HDAC10: variants seen among roughly 807,000 people sequenced by gnomAD.
The protein encoded by HDAC10 is histone deacetylase 10, also known as polyamine deacetylase HDAC10.
A neutral mutation model predicts 82.3 loss-of-function variants in HDAC10; 90 were observed. That is an observed-to-expected ratio of 1.09 (90% confidence interval 0.92 to 1.30). HDAC10 has a LOEUF of 1.30. HDAC10 is among the 50% of genes most tolerant of loss of function. The pLI is 0.00. For missense variants in HDAC10, 934 were observed against 876.3 expected, an observed-to-expected ratio of 1.07 and a Z score of -0.83; for synonymous variants, 456 against 391.7, an observed-to-expected ratio of 1.16 and a Z score of -1.94.
Position 50,245,823 on chromosome 22 carries a change from G to C in HDAC10, c.1838C>G (p.Ser613Cys), listed in dbSNP as rs764014436. 1 of 1,571,310 alleles carries C rather than the reference G, an allele frequency of 6.4e-7. No homozygotes were observed. The highest frequency in any genetic ancestry group is 2.4e-5 in the East Asian group (1 of 42,016). ...CAGGATCCCTGCTAGCTGGGGTGTG[G>C]AGTTCTGGACCAGGGGCGAAGACGG... ...GRVLALLEEN[S>C]TPQLAGILAR... Residue 613 changes from serine (S) to cysteine (C), a missense_variant, in exon 19 of 20, where the codon TCC becomes TGC. Ser to Cys is a moderately radical substitution (Grantham distance 112). Transcript: ENST00000216271.
In HDAC10 at chr22:50,251,223, C is replaced by A; in HGVS notation, c.-191G>T. 3.4e-6 allele frequency: 2 copies of A among 583,834 alleles called. No homozygotes were observed. Among genetic ancestry groups the A allele is most frequent in the East Asian group, 3.1e-5 (1 of 32,534 alleles). 36.2% of individuals were successfully genotyped at this position (583,834 alleles called of 1,614,324 possible). ...TCCGGGATCCCAGGCGCGCAGAAGGCACGGAGCGAGGCTGCAGTCGAAGGG... is the reference window on the plus strand; with the variant it reads ...TCCGGGATCCCAGGCGCGCAGAAGGAACGGAGCGAGGCTGCAGTCGAAGGG... On this transcript the variant is annotated 5_prime_UTR_variant, in exon 1 of 20. Transcript: ENST00000216271.
rs1390131330 is a variant in HDAC10, at chr22:50,245,516, C to G, written c.2001G>C (p.Leu667=). 1.1e-6 allele frequency: 1 copy of G among 897,428 alleles called. No homozygotes were observed. The highest frequency in any genetic ancestry group is 1.6e-5 in the African/African-American group (1 of 61,324). 55.6% of individuals were successfully genotyped at this position (897,428 alleles called of 1,614,324 possible). A position where few individuals can be genotyped will look rare whatever the true frequency, so the allele number is the denominator to read the frequency against. The change falls in exon 20 of 20, where the codon CTG becomes CTC. Residue 667 remains leucine (L), a synonymous_variant. Coordinates refer to ENST00000216271, the MANE Select transcript of HDAC10 (RefSeq NM_032019.6). ...CCCACCTTGGCCGATTTCAAGCCAC[C>G]AGGTGAGGATGGCACTACAGGAGGA... ...QWKMLQCHPH[L]VA
In HDAC10 at chr22:50,246,063, C is replaced by T. The variant is rs2064936240; in HGVS notation, c.1680G>A (p.Leu560=). 6.2e-7 allele frequency: 1 copy of T among 1,610,450 alleles called. No homozygotes were observed. The highest frequency in any genetic ancestry group is 8.5e-7 in the Non-Finnish European group (1 of 1,178,290). The change falls in exon 18 of 20, where the codon TTG becomes TTA. Residue 560 remains leucine, a synonymous_variant. Transcript: ENST00000216271. ...CATAGGCCAGGGGCAGCACCAAGCC[C>T]AAGATGCAGCTCAGGAAACCACCGG... ...VMTGGFLSCI[L]GLVLPLAYGF...
chr22:50,250,716 TTCTAGCTGGGCTGCCC>T, intron 2 of HDAC10, 39 bp downstream of exon 2: 1 of 1,495,814 alleles, frequency 6.7e-7, no homozygotes, highest in Admixed American at 2.1e-5. Context: ...GTTCTTAGGT[TTCTAGCTGGGCTGCCC>T]GCCCCGCCCC....
At position 50,248,100 on chromosome 22, in the gene HDAC10, C is replaced by T. The variant is rs780756630; in HGVS notation, c.1127G>A (p.Gly376Glu). Residue 376 changes from glycine to glutamate, a missense_variant, in exon 13 of 20, where the codon GGG becomes GAG. Coordinates refer to ENST00000216271, the MANE Select transcript of HDAC10 (RefSeq NM_032019.6). The surrounding 1 kb of genome is among the most constrained non-coding windows in gnomAD (Gnocchi z 5.4). The stretch of plus-strand genomic sequence containing the variant: ...CCCAGGCAGCAGAGGTGGAGGCCTC[C>T]CCTCTGGGGAGTGGCTGCTGGGGCT... Reference protein sequence around the residue: ...PMSPSSHSPEGRPPPLLPGGP... With the variant: ...PMSPSSHSPEERPPPLLPGGP... The T allele has an allele frequency of 5.0e-5, 79 of 1,592,506 alleles. No homozygotes were observed. Among genetic ancestry groups the T allele is most frequent in the Non-Finnish European group, 6.5e-5 (76 of 1,167,654 alleles).
At position 50,250,795 on chromosome 22, in the gene HDAC10, TC is replaced by T; in HGVS notation, c.169del (p.Glu57LysfsTer22). On this transcript the variant is annotated frameshift_variant, in exon 2 of 20. Coordinates refer to ENST00000216271, the MANE Select transcript of HDAC10 (RefSeq NM_032019.6). LOFTEE classifies it high-confidence loss of function. ...CCTGTGCACCAGGCCCAGCTCCTCTTCCGAGGCCTCGCGGGCTGACAACCGC... is the reference window on the plus strand; with the variant it reads ...CCTGTGCACCAGGCCCAGCTCCTCTTCGAGGCCTCGCGGGCTGACAACCGC... ...CLRLSAREAS[E>X]EELGLVHSPE... 6.2e-7 allele frequency: 1 copy of T among 1,602,930 alleles called. No individual in the cohort carries two copies. Among genetic ancestry groups the T allele is most frequent in the South Asian group, 1.1e-5 (1 of 89,704 alleles).
In HDAC10 at chr22:50,246,871, T is replaced by C. The variant is rs767399507; in HGVS notation, c.1514+4A>G. On this transcript the variant is annotated splice_donor_region_variant and intron_variant, in intron 15 of 19. Coordinates refer to ENST00000216271, the MANE Select transcript of HDAC10 (RefSeq NM_032019.6). ...GAGGCTCAGGATGGCCAAGTGAGGC[T>C]TACCTCTGGGCTCCGTGGGACAGGC... is the stretch of plus-strand genomic sequence containing the variant. 2.1e-5 allele frequency: 34 copies of C among 1,610,038 alleles called. No homozygotes were observed. The highest frequency in any genetic ancestry group is 2.8e-5 in the Non-Finnish European group (33 of 1,177,566).
Position 50,250,787 on chromosome 22 carries a change from G to C in HDAC10, c.178C>G (p.Leu60Val). ...LSAREASEEE[L>V]GLVHSPEYVS... ...CGTCCTGACCTGTGCACCAGGCCCA[G>C]CTCCTCTTCCGAGGCCTCGCGGGCT... The change falls in exon 2 of 20, where the codon CTG becomes GTG. Residue 60 changes from leucine (L) to valine (V), a missense_variant. By Grantham distance (32) the Leu-to-Val change is conservative. Coordinates refer to ENST00000216271, the MANE Select transcript of HDAC10 (RefSeq NM_032019.6). The C allele has an allele frequency of 6.2e-7, 1 of 1,601,456 alleles. No homozygotes were observed. The highest frequency in any genetic ancestry group is 8.5e-7 in the Non-Finnish European group (1 of 1,175,286).
Position 50,249,265 on chromosome 22 carries a change from G to GGGGGA in HDAC10, c.690+58_690+62dup, listed in dbSNP as rs2065029277. On this transcript the variant is annotated intron_variant, in intron 7 of 19. Coordinates refer to ENST00000216271, the MANE Select transcript of HDAC10 (RefSeq NM_032019.6). This position sits in a 1 kb window ranked among gnomAD's most constrained non-coding sequence, Gnocchi z 4.4. Reference sequence around the variant, plus strand: ...GACCTGGGGCTTGAGGGTGAACTGTGGGGGAGGGGAGGGGCCCAGGGGGAG... The same window carrying GGGGGA: ...GACCTGGGGCTTGAGGGTGAACTGTGGGGGAGGGGAGGGGAGGGGCCCAGGGGGAG... 2.1e-6 allele frequency: 3 copies of GGGGGA among 1,458,636 alleles called. No homozygotes were observed. Among genetic ancestry groups the GGGGGA allele is most frequent in the Admixed American group, 2.0e-5 (1 of 49,178 alleles). The allele number at this position is 1,458,636 out of a possible 1,614,324, so 90.4% of individuals were successfully genotyped here.
rs773985921 is a variant in HDAC10, at chr22:50,249,117, G to T, written c.742C>A (p.Pro248Thr). Residue 248 changes from proline (P) to threonine (T), a missense_variant, in exon 8 of 20, where the codon CCA (proline) becomes ACA (threonine). Coordinates refer to ENST00000216271, the MANE Select transcript of HDAC10 (RefSeq NM_032019.6). This position sits in a 1 kb window ranked among gnomAD's most constrained non-coding sequence, Gnocchi z 4.4. ...YVAAFLHLLL[P>T]LAFEFDPELV... ...CGTGCAGTCACCTCAAAGGCCAGTG[G>T]GAGCAGCAGGTGCAGGAAGGCAGCC... 6.2e-7 allele frequency: 1 copy of T among 1,602,218 alleles called. No individual in the cohort carries two copies. The highest frequency in any genetic ancestry group is 1.3e-5 in the African/African-American group (1 of 74,858).
At position 50,248,438 on chromosome 22, in the gene HDAC10, ACT is replaced by A. The variant is rs1230998762; in HGVS notation, c.939_940del (p.Cys315HisfsTer9). ...CAGCAGCGTCTGTACTGTCATGCACACTGACTCCGCCAGTGACTCCAGGTGGT... is the reference window on the plus strand; with the variant it reads ...CAGCAGCGTCTGTACTGTCATGCACAGACTCCGCCAGTGACTCCAGGTGGT... On this transcript the variant is annotated frameshift_variant, in exon 11 of 20. Coordinates refer to ENST00000216271, the MANE Select transcript of HDAC10 (RefSeq NM_032019.6). LOFTEE classifies it high-confidence loss of function. The surrounding 1 kb of genome is among the most constrained non-coding windows in gnomAD (Gnocchi z 5.4). The A allele has an allele frequency of 1.9e-6, 3 of 1,607,960 alleles. No homozygotes were observed. The African/African-American group carries it at 4.0e-5, about 21-fold the overall frequency.
chr22:50,246,308 G>T lies in HDAC10; in HGVS notation c.1640C>A (p.Pro547Gln). The T allele has an allele frequency of 6.2e-7, 1 of 1,612,628 alleles. No individual in the cohort carries two copies. Among genetic ancestry groups the T allele is most frequent in the Non-Finnish European group, 8.5e-7 (1 of 1,179,514 alleles). Residue 547 changes from proline to glutamine, a missense_variant, in exon 17 of 20, where the codon CCA (proline) becomes CAA (glutamine). Pro to Gln is a moderately conservative substitution (Grantham distance 76). Coordinates refer to ENST00000216271, the MANE Select transcript of HDAC10 (RefSeq NM_032019.6). ...GGCATGGTCACTCACCACTGGCAGT[G>T]GCGTGGAGACATGGAACATGGATAG... ...AALSMFHVST[P>Q]LPVMTGGFLS...
intron 3 of HDAC10, 115 bp downstream of exon 3, chr22:50,250,312 C>A: frequency 8.1e-7 from 1 of 1,232,012 alleles, no homozygotes; most frequent in Non-Finnish European, 1.2e-6. Flanking sequence ...GTGTGCAGGG[C>A]AATGTCATGT....
Position 50,248,556 on chromosome 22 carries a change from C to T in HDAC10, c.907-84G>A. The T allele has an allele frequency of 2.7e-6, 4 of 1,489,356 alleles. No individual in the cohort carries two copies. The highest frequency in any genetic ancestry group is 2.7e-6 in the Non-Finnish European group (3 of 1,108,926). The allele number at this position is 1,489,356 out of a possible 1,614,324, so 92.3% of individuals were successfully genotyped here. ...GGGAGAGCCCCTGCCTGGCTCTATC[C>T]CGGGCAGGACGCCCCTCCCAAATAC... On this transcript the variant is annotated intron_variant, in intron 10 of 19. Transcript: ENST00000216271. This position sits in a 1 kb window ranked among gnomAD's most constrained non-coding sequence, Gnocchi z 5.4.
chr22:50,246,490 C>T, intron 16 of HDAC10, 114 bp from the exon 17 acceptor site: 1 of 1,068,484 alleles, frequency 9.4e-7, no homozygotes, highest in South Asian at 1.3e-5. Flanking sequence ...GCTGTGACTG[C>T]TGAGCCTCTG....
rs370569224 is a variant in HDAC10, at chr22:50,249,735, C to T, written c.495-32G>A. 1.9e-6 allele frequency: 3 copies of T among 1,611,354 alleles called. No individual in the cohort carries two copies. Among genetic ancestry groups the T allele is most frequent in the South Asian group, 1.1e-5 (1 of 91,044 alleles). ...ACAGACAGCGCTGGTGGCAAAGGGG[C>T]AGGGCCTCCCACCTCCAGGAGCCCG... is the stretch of plus-strand genomic sequence containing the variant. On this transcript the variant is annotated intron_variant, in intron 5 of 19. Coordinates refer to ENST00000216271, the MANE Select transcript of HDAC10 (RefSeq NM_032019.6). This position sits in a 1 kb window ranked among gnomAD's most constrained non-coding sequence, Gnocchi z 4.4.
In HDAC10 at chr22:50,246,349, G is replaced by A; in HGVS notation, c.1599C>T (p.Gly533=). 6.2e-7 allele frequency: 1 copy of A among 1,612,806 alleles called. No homozygotes were observed. Among genetic ancestry groups the A allele is most frequent in the Non-Finnish European group, 8.5e-7 (1 of 1,179,912 alleles). The change falls in exon 17 of 20, where the codon GGC becomes GGT. Residue 533 remains glycine, a synonymous_variant. Coordinates refer to ENST00000216271, the MANE Select transcript of HDAC10 (RefSeq NM_032019.6). ...DGRSLWLNIR[G]KEAAALSMFH... ...ACATGGATAGGGCAGCCGCCTCCTT[G>A]CCCCTGATGTTCAGCCACAGACTCC...
Position 50,249,380 on chromosome 22 carries a change from G to A in HDAC10, c.638C>T (p.Ala213Val). ...WPFLRESDAD[A>V]VGRGQGLGFT... ...GCCGAGGCCCTGTCCCCGCCCCACT[G>A]CGTCTGCATCTGACTCTCGCAGGAA... Residue 213 changes from alanine (A) to valine (V), a missense_variant, in exon 7 of 20, where the codon GCA becomes GTA. By Grantham distance (64) the Ala-to-Val change is moderately conservative. Coordinates refer to ENST00000216271, the MANE Select transcript of HDAC10 (RefSeq NM_032019.6). The surrounding 1 kb of genome is among the most constrained non-coding windows in gnomAD (Gnocchi z 4.4). 6.2e-7 allele frequency: 1 copy of A among 1,612,658 alleles called. No individual in the cohort carries two copies. Among genetic ancestry groups the A allele is most frequent in the Non-Finnish European group, 8.5e-7 (1 of 1,179,928 alleles).
At chr22:50,246,798 T>G in intron 15 of HDAC10, 63 bp from the exon 16 acceptor site, 1 of 1,602,782 alleles carries the variant, frequency 6.2e-7, no homozygotes, top group Non-Finnish European at 8.5e-7. Context: ...CCCAGAACTC[T>G]CTGTGCTTGG....
Sources: allele counts gnomAD v4.1 joint callset, GRCh38; gene constraint gnomAD v4.1.1; non-coding constraint Gnocchi (gnomAD v3.1); transcripts MANE v1.5; gene names NCBI Gene and HGNC (gene_info 2026-07-23, HGNC 2026-07-21).